The following B3GALT1 variants were observed in gnomAD, a reference collection of about 807,000 sequenced individuals.
The protein encoded by B3GALT1 is UDP-Gal:betaGlcNAc beta 1,3-galactosyltransferase, polypeptide 1.
Under a neutral mutation model 23.2 loss-of-function variants are expected in B3GALT1, and 10 were observed. That is an observed-to-expected ratio of 0.43 (90% CI 0.27 to 0.73). The LOEUF (loss-of-function observed/expected upper bound fraction) is 0.73. Among genes scored for constraint, B3GALT1 ranks in the 30% least tolerant of loss-of-function variants. B3GALT1 has a pLI of 0.21. For missense variants in B3GALT1, 299 were observed against 405.4 expected (o/e 0.74, Z 2.25); for synonymous variants, 156 against 141.5 (o/e 1.10, Z -0.73).
At chr2:167,559,831 G>T (rs1683935661) in intron 2 of B3GALT1, among the ~76,000 whole-genome samples, 1 of 152,206 alleles carries the variant, frequency 6.6e-6, no homozygotes, top group Non-Finnish European at 1.5e-5. Context: ...ACGTCTGATT[G>T]GTGTACCTCA....
At chr2:167,788,435 G>T (rs147436098) in intron 3 of B3GALT1, among the ~76,000 whole-genome samples, 1 of 151,960 alleles carries the variant, frequency 6.6e-6, no homozygotes, top group African/African-American at 2.4e-5. Flanking sequence ...GCAACTAGAC[G>T]GTCCCATCTG....
intron 3 of B3GALT1, among the ~76,000 whole-genome samples, chr2:167,666,323 T>C (rs1686187316): frequency 6.6e-6 from 1 of 152,242 alleles, no homozygotes; most frequent in Non-Finnish European, 1.5e-5. Flanking sequence ...GACAGTTTGT[T>C]ATAATTTCTG....
At chr2:167,707,641 G>A (rs573080392) in intron 3 of B3GALT1, among the ~76,000 whole-genome samples, 1 of 151,802 alleles carries the variant, frequency 6.6e-6, no homozygotes, top group African/African-American at 2.4e-5. Flanking sequence ...CACTTTGAAG[G>A]CTCCTTGTGA....
At chr2:167,441,577 T>C (rs1237551814) in intron 1 of B3GALT1, among the ~76,000 whole-genome samples, 2 of 152,202 alleles carry the variant, frequency 1.3e-5, no homozygotes, top group Non-Finnish European at 2.9e-5. Context: ...CTCTTTAAGA[T>C]TTGATTTGAT....
chr2:167,522,225 A>G (rs1352190928), intron 2 of B3GALT1, among the ~76,000 whole-genome samples: 1 of 151,938 alleles, frequency 6.6e-6, no homozygotes, highest in African/African-American at 2.4e-5. Context: ...GTCATTACTC[A>G]GCCTACTGGA....
chr2:167,849,195 A>G (rs1418650899), intron 4 of B3GALT1, among the ~76,000 whole-genome samples: 1 of 152,234 alleles, frequency 6.6e-6, no homozygotes, highest in African/African-American at 2.4e-5. Flanking sequence ...CCATCAAAAT[A>G]CCACCATCAT....
intron 2 of B3GALT1, among the ~76,000 whole-genome samples, chr2:167,567,398 A>T (rs925283752): frequency 2.6e-5 from 4 of 152,124 alleles, no homozygotes; most frequent in African/African-American, 9.7e-5. Context: ...CATCTCAAGG[A>T]TGTATTAAGC....
chr2:167,758,359 G>C (rs778903258), intron 3 of B3GALT1, among the ~76,000 whole-genome samples: 2 of 152,046 alleles, frequency 1.3e-5, no homozygotes, highest in Non-Finnish European at 2.9e-5. Context: ...TCCCAGCCCC[G>C]AATCCTCCCT....
chr2:167,486,171 C>T (rs1261232371), intron 1 of B3GALT1, among the ~76,000 whole-genome samples: 1 of 152,042 alleles, frequency 6.6e-6, no homozygotes, highest in Non-Finnish European at 1.5e-5. Context: ...CCATCCTGGC[C>T]AACATGGTGA....
chr2:167,492,607 C>T (rs150459381), intron 2 of B3GALT1, among the ~76,000 whole-genome samples: 60 of 152,248 alleles, frequency 3.9e-4, no homozygotes, highest in African/African-American at 1.3e-3. Flanking sequence ...CTGAAAGAAC[C>T]TTCCTGTTGC....
intron 3 of B3GALT1, among the ~76,000 whole-genome samples, chr2:167,804,456 T>G (rs1688707480): frequency 6.6e-6 from 1 of 152,202 alleles, no homozygotes; most frequent in South Asian, 2.1e-4. Flanking sequence ...TAGGTATATC[T>G]CCTAATGCTA....
intron 2 of B3GALT1, among the ~76,000 whole-genome samples, chr2:167,582,085 T>A (rs1684494226): frequency 6.6e-6 from 1 of 152,160 alleles, no homozygotes; most frequent in African/African-American, 2.4e-5. Context: ...ACCAAGCCCA[T>A]GTTTTTTGGC....
chr2:167,431,125 T>C (rs1176191402), intron 1 of B3GALT1, among the ~76,000 whole-genome samples: 1 of 152,186 alleles, frequency 6.6e-6, no homozygotes, highest in Non-Finnish European at 1.5e-5. Flanking sequence ...CAATTAATTA[T>C]CCACAATGAA....
At chr2:167,706,690 T>C (rs952911308) in intron 3 of B3GALT1, among the ~76,000 whole-genome samples, 7 of 152,224 alleles carry the variant, frequency 4.6e-5, no homozygotes, top group Non-Finnish European at 8.8e-5. Flanking sequence ...GAAGTACACA[T>C]GGAATATCCC....
chr2:167,599,934 G>A (rs550950077), intron 2 of B3GALT1, among the ~76,000 whole-genome samples: 24 of 152,086 alleles, frequency 1.6e-4, no homozygotes, highest in Non-Finnish European at 3.1e-4. Flanking sequence ...GAAAAAGACA[G>A]CAATAAGCAA....
chr2:167,606,223 G>T (rs115230571), intron 2 of B3GALT1, among the ~76,000 whole-genome samples: 1 of 152,086 alleles, frequency 6.6e-6, no homozygotes, highest in African/African-American at 2.4e-5. Flanking sequence ...ATCATATGCC[G>T]CTAAGTTTTT....
intron 2 of B3GALT1, among the ~76,000 whole-genome samples, chr2:167,510,892 A>G (rs1215291054): frequency 1.3e-5 from 2 of 152,230 alleles, no homozygotes; most frequent in Non-Finnish European, 2.9e-5. Context: ...TCATTAGCAT[A>G]TAGACAATAT....
intron 3 of B3GALT1, among the ~76,000 whole-genome samples, chr2:167,807,379 CTTCTCTAG>C (rs1439998886): frequency 6.6e-6 from 1 of 152,112 alleles, no homozygotes; most frequent in African/African-American, 2.4e-5. Flanking sequence ...TTTGCTCTTG[CTTCTCTAG>C]TTCTTTTAGT....
Position 167,810,115 on chromosome 2 carries a change from T to G in B3GALT1, c.-351-8557T>G, listed in dbSNP as rs866702529. On this transcript the variant is annotated intron_variant, in intron 3 of 4. Transcript: ENST00000392690. ...GGGATATAATCTCCTGGTGTGCGGC[T>G]TGCTAAGACCATTGGAAAAGGACAG... Among the ~76,000 whole-genome samples, 32 of 149,282 alleles carry G rather than the reference T, an allele frequency of 2.1e-4. No individual in the cohort carries two copies. In the Middle Eastern group the frequency reaches 0.01, roughly 48 times the overall value.
Sources: allele counts gnomAD v4.1 joint callset (sites outside exome capture counted in the v4.1 genomes callset), GRCh38; gene constraint gnomAD v4.1.1; transcripts MANE v1.5; gene names NCBI Gene and HGNC (gene_info 2026-07-23, HGNC 2026-07-21).